Variants in BANP observed in about 807,000 individuals in gnomAD.
BANP encodes protein BANP.
Under a neutral mutation model 68.1 loss-of-function variants are expected in BANP, and 11 were observed. The ratio of observed to expected loss-of-function variants is 0.16; its 90% CI spans 0.10 to 0.27. BANP has a LOEUF of 0.27. BANP is among the 10% of genes least tolerant of loss of function. The pLI, the probability that BANP is intolerant of heterozygous loss-of-function variation, is 1.00. For synonymous variants in BANP, 329 were observed against 303.2 expected, an observed-to-expected ratio of 1.09 and a Z score of -0.88; for missense variants, 504 against 722.7, an observed-to-expected ratio of 0.70 and a Z score of 3.47.
chr16:88,028,354 G>A (rs911960362), intron 8 of BANP, among the ~76,000 whole-genome samples: 8 of 152,198 alleles, frequency 5.3e-5, no homozygotes, highest in Admixed American at 1.3e-4. Flanking sequence ...AGTCTTTGTT[G>A]GCGGGAACCC....
chr16:88,004,079 T>TA lies in BANP; in HGVS notation c.363-211dup, dbSNP rs990471563. 2.7e-4 allele frequency: 146 copies of TA among 533,360 alleles called. No homozygotes were observed. Among genetic ancestry groups the TA allele is most frequent in the Middle Eastern group, 1.0e-3 (2 of 1,956 alleles). The allele number at this position is 533,360 out of a possible 1,614,324, so 33.0% of individuals were successfully genotyped here. ...ACAATTAGGAAAAGTTACGTTCTGC[T>TA]AAAAACCCCATCTCCAGTTTATTCT... On this transcript the variant is annotated intron_variant, in intron 4 of 13. Coordinates refer to ENST00000682872, the MANE Select transcript of BANP (RefSeq NM_001386991.1). The surrounding 1 kb of genome is among the most constrained non-coding windows in gnomAD (Gnocchi z 7.0).
chr16:88,041,785 C>T (rs1037199545), intron 11 of BANP, among the ~76,000 whole-genome samples: 3 of 152,222 alleles, frequency 2.0e-5, no homozygotes, highest in African/African-American at 7.2e-5. Context: ...TCTGGGAGGG[C>T]TCCCCTGGCT....
chr16:88,050,723 C>CT (rs1388684931), intron 11 of BANP, among the ~76,000 whole-genome samples: 1 of 152,156 alleles, frequency 6.6e-6, no homozygotes, highest in African/African-American at 2.4e-5. Flanking sequence ...CAGTCTCACT[C>CT]TGTTGTCGAG....
chr16:88,044,734 A>C (rs781493812), intron 11 of BANP, among the ~76,000 whole-genome samples: 86 of 152,246 alleles, frequency 5.6e-4, no homozygotes, highest in Non-Finnish European at 1.0e-3. Flanking sequence ...CTGTAATCCC[A>C]GCACTTTGGG....
chr16:88,038,575 C>G (rs1395090512), intron 11 of BANP, among the ~76,000 whole-genome samples: 3 of 151,550 alleles, frequency 2.0e-5, no homozygotes, highest in Non-Finnish European at 4.4e-5. Flanking sequence ...GGTGGTTTCG[C>G]TCCTGTGTAT....
intron 1 of BANP, among the ~76,000 whole-genome samples, chr16:87,967,429 CATTTT>C (rs936225958): frequency 6.6e-6 from 1 of 151,676 alleles, no homozygotes; most frequent in Admixed American, 6.6e-5. Context: ...TTTAATTGTA[CATTTT>C]ATTTTATTTT....
Position 88,003,636 on chromosome 16 carries a change from G to T in BANP, c.363-659G>T. On this transcript the variant is annotated intron_variant, in intron 4 of 13. Transcript: ENST00000682872. The surrounding 1 kb of genome is among the most constrained non-coding windows in gnomAD (Gnocchi z 6.1). ...AACACACTCGTGCTTCCTCCAGGGT[G>T]GCGCCAGGCTTGCTGGTTTCTGGGC... The T allele has an allele frequency of 2.4e-6, 1 of 421,466 alleles. No individual in the cohort carries two copies. Among genetic ancestry groups the T allele is most frequent in the South Asian group, 1.7e-5 (1 of 59,132 alleles). 26.1% of individuals were successfully genotyped at this position (421,466 alleles called of 1,614,324 possible).
At chr16:87,964,369 C>T (rs902848367) in intron 1 of BANP, among the ~76,000 whole-genome samples, 7 of 152,356 alleles carry the variant, frequency 4.6e-5, no homozygotes, top group South Asian at 2.1e-4. Flanking sequence ...AGAAACCTTT[C>T]AGATGTGTAG....
At chr16:88,061,192 C>T (rs2086674709) in intron 11 of BANP, among the ~76,000 whole-genome samples, 1 of 152,204 alleles carries the variant, frequency 6.6e-6, no homozygotes, top group Non-Finnish European at 1.5e-5. Context: ...GCTGTGCCTA[C>T]CGCTTGCCAC....
At chr16:88,051,855 T>A (rs1378915633) in intron 11 of BANP, among the ~76,000 whole-genome samples, 3 of 152,244 alleles carry the variant, frequency 2.0e-5, no homozygotes, top group East Asian at 1.9e-4. Context: ...AATCTAGATT[T>A]AAAAAATCCA....
chr16:88,037,204 A>G (rs2079579757), intron 10 of BANP: 1 of 152,238 alleles, frequency 6.6e-6, no homozygotes, highest in African/African-American at 2.4e-5. Context: ...TGCTAAAAAA[A>G]TCTTGACTAC....
intron 11 of BANP, among the ~76,000 whole-genome samples, chr16:88,053,837 TAAC>T (rs2152837546): frequency 2.4e-5 from 3 of 123,912 alleles, no homozygotes; most frequent in African/African-American, 6.4e-5. Context: ...ACAACCACCT[TAAC>T]AACCACTACC....
chr16:88,037,792 C>T lies in BANP; in HGVS notation c.1273-181C>T, dbSNP rs528475925. The T allele has an allele frequency of 2.9e-5, 18 of 624,902 alleles. No individual in the cohort carries two copies. The Admixed American group carries it at 4.6e-4, about 16-fold the overall frequency. 38.7% of individuals were successfully genotyped at this position (624,902 alleles called of 1,614,324 possible). On this transcript the variant is annotated intron_variant, in intron 10 of 13. Transcript: ENST00000682872. ...TTCATCTTTAAAATAATAAATAGTA[C>T]CTAGAAATGTCAATATTTTGTTTTG... is the stretch of plus-strand genomic sequence containing the variant.
chr16:88,014,677 C>G (rs895097675), intron 6 of BANP, among the ~76,000 whole-genome samples: 1 of 151,956 alleles, frequency 6.6e-6, no homozygotes, highest in African/African-American at 2.4e-5. Context: ...CCACCGTCCC[C>G]ACACCATCCT....
Position 88,064,184 on chromosome 16 carries a change from G to T in BANP, c.1312-1083G>T, listed in dbSNP as rs2087756146. On this transcript the variant is annotated intron_variant, in intron 11 of 13. Coordinates refer to ENST00000682872, the MANE Select transcript of BANP (RefSeq NM_001386991.1). The surrounding 1 kb of genome is among the most constrained non-coding windows in gnomAD (Gnocchi z 4.5). ...ACGAGGCTGGGGCAGGAGGTGTCGG[G>T]GGCTTGAGAGGCGCAGGGGAGCAGG... is the stretch of plus-strand genomic sequence containing the variant. Among the ~76,000 whole-genome samples, 1 of 151,668 alleles carries T rather than the reference G, an allele frequency of 6.6e-6. No individual in the cohort carries two copies.
At chr16:87,999,046 A>G (rs1438189152) in intron 4 of BANP, among the ~76,000 whole-genome samples, 7 of 115,016 alleles carry the variant, frequency 6.1e-5, no homozygotes, top group Non-Finnish European at 8.9e-5. Context: ...GGCTGTACTT[A>G]CCTGTCCTTC....
chr16:87,976,997 G>A (rs4843759), intron 2 of BANP, among the ~76,000 whole-genome samples: 100,807 of 152,152 alleles, frequency 0.66, 34,062 homozygotes, highest in African/African-American at 0.76. Flanking sequence ...TACTTCCCCA[G>A]TAAATCTCTC....
rs1262829567 is a variant in BANP at position 88,057,766 on chromosome 16, T to A, written c.1312-7501T>A. ...CATCTGGGTGGGGCGGGGGGGGGGG[T>A]GCGTGCAGTGACTCGCGCTGGCCCT... On this transcript the variant is annotated intron_variant, in intron 11 of 13. Transcript: ENST00000682872. The surrounding 1 kb of genome is among the most constrained non-coding windows in gnomAD (Gnocchi z 4.6). Among the ~76,000 whole-genome samples, 2 of 61,186 alleles carry A rather than the reference T, an allele frequency of 3.3e-5. No homozygotes were observed. Among genetic ancestry groups the A allele is most frequent in the Non-Finnish European group, 6.4e-5 (2 of 31,050 alleles). The allele number at this position is 61,186 out of a possible 152,430, so 40.1% of individuals were successfully genotyped here.
intron 1 of BANP, among the ~76,000 whole-genome samples, chr16:87,968,072 T>G (rs1941198924): frequency 7.3e-6 from 1 of 137,414 alleles, no homozygotes; most frequent in African/African-American, 2.9e-5. Context: ...TTCTACAGGT[T>G]TTTTTGCCTT....
Sources: gnomAD v4.1 joint callset for allele counts (sites outside exome capture counted in the v4.1 genomes callset) on GRCh38, gnomAD v4.1.1 for gene constraint, Gnocchi (gnomAD v3.1) non-coding constraint, MANE v1.5 for transcripts, NCBI Gene and HGNC (gene_info 2026-07-23, HGNC 2026-07-21) for gene names.